CDK14: variants seen among roughly 807,000 people sequenced by gnomAD.
CDK14 encodes the protein cyclin-dependent kinase 14.
A neutral mutation model predicts 60.7 loss-of-function variants in CDK14; 34 were observed. The observed-to-expected ratio is 0.56, with a 90% confidence interval of 0.43 to 0.75. CDK14 has a LOEUF of 0.75. CDK14 is among the 30% of genes least tolerant of loss of function. The probability of loss-of-function intolerance (pLI) is 0.00; values close to 1 mark genes in which losing one functional copy is unlikely to be tolerated. For missense variants in CDK14, 482 were observed against 564.1 expected (o/e 0.85, Z 1.47); for synonymous variants, 197 against 203.7 (o/e 0.97, Z 0.28).
chr7:90,642,384 T>A (rs562512436), intron 2 of CDK14, among the ~76,000 whole-genome samples: 1 of 152,336 alleles, frequency 6.6e-6, no homozygotes, highest in South Asian at 2.1e-4. Flanking sequence ...GATACTTTGC[T>A]CATTTTCCCC....
intron 10 of CDK14, among the ~76,000 whole-genome samples, chr7:90,998,879 C>A (rs769202479): frequency 2.7e-5 from 4 of 150,628 alleles, no homozygotes; most frequent in Admixed American, 6.7e-5. Flanking sequence ...ACAGAGTGAG[C>A]CTCCATCTCA....
chr7:90,920,575 T>A (rs1177040282), intron 8 of CDK14, among the ~76,000 whole-genome samples: 1 of 152,208 alleles, frequency 6.6e-6, no homozygotes, highest in Non-Finnish European at 1.5e-5. Flanking sequence ...AAGCTGGAAT[T>A]CAGATGCTTG....
At chr7:90,919,927 G>T (rs1793196799) in intron 8 of CDK14, among the ~76,000 whole-genome samples, 1 of 152,236 alleles carries the variant, frequency 6.6e-6, no homozygotes, top group Non-Finnish European at 1.5e-5. Flanking sequence ...TGTGCAGAAG[G>T]ATCGTGCCCA....
chr7:91,062,495 G>T (rs991146571), intron 11 of CDK14, among the ~76,000 whole-genome samples: 44 of 152,048 alleles, frequency 2.9e-4, no homozygotes, highest in African/African-American at 1.0e-3. Flanking sequence ...CGTCGCTCAC[G>T]GTGGGAGCTG....
chr7:91,059,132 G>A (rs1429710436), intron 11 of CDK14, among the ~76,000 whole-genome samples: 1 of 152,130 alleles, frequency 6.6e-6, no homozygotes, highest in Non-Finnish European at 1.5e-5. Context: ...TTTAGTCTTG[G>A]GAGGGTGTGT....
At chr7:90,986,228 G>A (rs1795368847) in intron 10 of CDK14, among the ~76,000 whole-genome samples, 1 of 151,922 alleles carries the variant, frequency 6.6e-6, no homozygotes, top group Admixed American at 6.6e-5. Flanking sequence ...TACTTAACCA[G>A]CCCCATATTG....
intron 14 of CDK14, 99 bp downstream of exon 14, chr7:91,118,307 A>T: frequency 1.6e-6 from 1 of 607,208 alleles, no homozygotes. Context: ...CAACTATCCT[A>T]TGAGTCTCTT....
At chr7:90,682,938 C>T (rs576513890) in intron 2 of CDK14, among the ~76,000 whole-genome samples, 1 of 152,284 alleles carries the variant, frequency 6.6e-6, no homozygotes, top group East Asian at 1.9e-4. Context: ...GGTTTCACAT[C>T]TGGAGGCACA....
intron 9 of CDK14, among the ~76,000 whole-genome samples, chr7:90,981,020 C>T (rs929914607): frequency 6.6e-6 from 1 of 152,116 alleles, no homozygotes; most frequent in Non-Finnish European, 1.5e-5. Context: ...GCTCTTCACA[C>T]TCAGAACTGC....
At chr7:90,688,628 A>G (rs1801490238) in intron 2 of CDK14, among the ~76,000 whole-genome samples, 1 of 152,200 alleles carries the variant, frequency 6.6e-6, no homozygotes, top group South Asian at 2.1e-4. Flanking sequence ...TTATTACAAA[A>G]GTAAACTAGA....
intron 2 of CDK14, among the ~76,000 whole-genome samples, chr7:90,640,094 T>A (rs918576124): frequency 3.9e-5 from 6 of 152,160 alleles, no homozygotes; most frequent in South Asian, 2.1e-4. Flanking sequence ...TGCCTCGCCC[T>A]GCTTCAGCTG....
intron 4 of CDK14, among the ~76,000 whole-genome samples, chr7:90,785,399 G>T (rs1171114657): frequency 1.3e-5 from 2 of 152,168 alleles, no homozygotes; most frequent in Non-Finnish European, 2.9e-5. Context: ...TTCTCTTTAA[G>T]CATCATCTTT....
At chr7:91,098,523 AAG>A (rs755235464) in intron 12 of CDK14, among the ~76,000 whole-genome samples, 5 of 146,520 alleles carry the variant, frequency 3.4e-5, no homozygotes, top group East Asian at 2.0e-4. Flanking sequence ...AAAAGAAAGA[AAG>A]AGAAAAAAAA....
At chr7:90,811,554 T>C (rs1789113090) in intron 5 of CDK14, among the ~76,000 whole-genome samples, 1 of 151,974 alleles carries the variant, frequency 6.6e-6, no homozygotes, top group Non-Finnish European at 1.5e-5. Context: ...GACATAGGCA[T>C]GGGCAAGGAC....
chr7:90,708,416 A>G (rs543425518), intron 2 of CDK14, among the ~76,000 whole-genome samples: 3 of 152,318 alleles, frequency 2.0e-5, no homozygotes, highest in East Asian at 3.9e-4. Context: ...TGATGCTCAT[A>G]TAATTCAATA....
chr7:90,623,998 T>G (rs17866360), intron 2 of CDK14, among the ~76,000 whole-genome samples: 1 of 152,322 alleles, frequency 6.6e-6, no homozygotes, highest in South Asian at 2.1e-4. Context: ...TTATAATACA[T>G]ATTTTGTAGG....
At chr7:91,107,270 G>C (rs1322548566) in intron 12 of CDK14, 1 of 152,134 alleles carries the variant, frequency 6.6e-6, no homozygotes, top group African/African-American at 2.4e-5. Flanking sequence ...TTCAAAAAAT[G>C]TTTTCATTTT....
At position 90,879,493 on chromosome 7, in the gene CDK14, C is replaced by T. The variant is rs1464349604; in HGVS notation, c.639+16224C>T. Reference sequence around the variant, plus strand: ...AGAAGCAGCGGTGATTGGAGGCTCCCATCAGAAAAACCATAATAAGTGTGT... The same window carrying T: ...AGAAGCAGCGGTGATTGGAGGCTCCTATCAGAAAAACCATAATAAGTGTGT... On this transcript the variant is annotated intron_variant, in intron 6 of 14. Transcript: ENST00000380050. Among the ~76,000 whole-genome samples the T allele has an allele frequency of 1.3e-5, 2 of 152,018 alleles. 1 individual carries two copies. The highest frequency in any genetic ancestry group is 4.1e-4 in the South Asian group (2 of 4,820).
intron 2 of CDK14, chr7:90,632,225 C>G: frequency 4.9e-6 from 1 of 204,678 alleles, no homozygotes; most frequent in Non-Finnish European, 1.0e-5. Flanking sequence ...TGGAATCATA[C>G]TGATGAAGAT....
Sources: allele counts gnomAD v4.1 joint callset (sites outside exome capture counted in the v4.1 genomes callset), GRCh38; gene constraint gnomAD v4.1.1; transcripts MANE v1.5; gene names NCBI Gene and HGNC (gene_info 2026-07-23, HGNC 2026-07-21).